BMPR1A: variants seen among roughly 807,000 people sequenced by gnomAD.
BMPR1A encodes the protein bone morphogenetic protein receptor type-1A.
In BMPR1A, 7 loss-of-function variants were observed where a neutral mutation model predicts 66.0. The ratio of observed to expected loss-of-function variants is 0.11; its 90% CI spans 0.06 to 0.20. The LOEUF is 0.20. BMPR1A is among the 10% of genes least tolerant of loss of function. BMPR1A has a pLI of 1.00. For missense variants in BMPR1A, 408 were observed against 669.1 expected, an observed-to-expected ratio of 0.61 and a Z score of 4.31; for synonymous variants, 200 against 229.7, an observed-to-expected ratio of 0.87 and a Z score of 1.17.
intron 1 of BMPR1A, among the ~76,000 whole-genome samples, chr10:86,818,262 C>T (rs1323769648): frequency 6.6e-6 from 1 of 152,142 alleles, no homozygotes. Context: ...CGTGATCTGC[C>T]CTCCTCGGCC....
At chr10:86,872,187 G>A (rs1842862474) in intron 2 of BMPR1A, among the ~76,000 whole-genome samples, 2 of 152,166 alleles carry the variant, frequency 1.3e-5, no homozygotes, top group African/African-American at 4.8e-5. Flanking sequence ...AAAATTTCTT[G>A]CAGATTGAAT....
At chr10:86,891,260 A>T (rs1360190719) in intron 4 of BMPR1A, among the ~76,000 whole-genome samples, 1 of 152,170 alleles carries the variant, frequency 6.6e-6, no homozygotes, top group East Asian at 1.9e-4. Flanking sequence ...TATGTCACCA[A>T]ATAATGTTTT....
chr10:86,862,570 C>T (rs1408662600), intron 2 of BMPR1A, among the ~76,000 whole-genome samples: 1 of 152,120 alleles, frequency 6.6e-6, no homozygotes, highest in Non-Finnish European at 1.5e-5. Context: ...AGCAGGAGGC[C>T]AGTTAGGAGG....
chr10:86,858,420 T>C lies in BMPR1A; in HGVS notation c.-152-17447T>C, dbSNP rs190743092. ...TTTTACATTTGGAATTGCAAAATGA[T>C]ATAGTGAAAGATGAAGACTGGAAGT... is the stretch of plus-strand genomic sequence containing the variant. On this transcript the variant is annotated intron_variant, in intron 2 of 12. Coordinates refer to ENST00000372037, the MANE Select transcript of BMPR1A (RefSeq NM_004329.3). Among the ~76,000 whole-genome samples, 28 of 152,230 alleles carry C rather than the reference T, an allele frequency of 1.8e-4. 1 individual carries two copies. The highest frequency in any genetic ancestry group is 6.7e-4 in the African/African-American group (28 of 41,536).
intron 3 of BMPR1A, among the ~76,000 whole-genome samples, chr10:86,879,324 A>C (rs1302861143): frequency 6.6e-6 from 1 of 152,192 alleles, no homozygotes; most frequent in Non-Finnish European, 1.5e-5. Context: ...TCCTCTCCCC[A>C]ACAGACTTCC....
At chr10:86,807,770 G>GT (rs932076701) in intron 1 of BMPR1A, among the ~76,000 whole-genome samples, 9 of 151,250 alleles carry the variant, frequency 6.0e-5, no homozygotes, top group East Asian at 2.0e-4. Flanking sequence ...TATAGTTGTG[G>GT]TTTTTTTTCC....
At chr10:86,831,234 A>G (rs908242155) in intron 1 of BMPR1A, among the ~76,000 whole-genome samples, 1 of 152,234 alleles carries the variant, frequency 6.6e-6, no homozygotes, top group Non-Finnish European at 1.5e-5. Context: ...GCACAGATGT[A>G]CGCATGCGAG....
intron 1 of BMPR1A, among the ~76,000 whole-genome samples, chr10:86,833,394 G>A (rs1017149776): frequency 2.6e-5 from 4 of 152,198 alleles, no homozygotes; most frequent in Admixed American, 2.6e-4. Context: ...CTACATGAAA[G>A]ATGAGAGCCT....
intron 7 of BMPR1A, among the ~76,000 whole-genome samples, chr10:86,901,808 T>C (rs1843313635): frequency 6.6e-6 from 1 of 152,114 alleles, no homozygotes. Context: ...ATTAAAATAC[T>C]TTTTTTATAC....
At chr10:86,889,842 T>TA (rs1366389610) in intron 3 of BMPR1A, 1 of 561,686 alleles carries the variant, frequency 1.8e-6, no homozygotes, top group Non-Finnish European at 3.1e-6. Flanking sequence ...AAAATTGTGA[T>TA]ATAGCTGTCT....
At chr10:86,820,193 C>T (rs1030831573) in intron 1 of BMPR1A, among the ~76,000 whole-genome samples, 7 of 152,116 alleles carry the variant, frequency 4.6e-5, no homozygotes, top group Non-Finnish European at 1.0e-4. Context: ...CAGGATTATG[C>T]CCCCATGCCT....
At chr10:86,775,927 T>C (rs1033018666) in intron 1 of BMPR1A, among the ~76,000 whole-genome samples, 1 of 152,198 alleles carries the variant, frequency 6.6e-6, no homozygotes, top group African/African-American at 2.4e-5. Flanking sequence ...TCCCTCCTTT[T>C]CGGCTGCTCA....
chr10:86,898,163 T>C (rs1174125088), intron 5 of BMPR1A, among the ~76,000 whole-genome samples: 1 of 152,082 alleles, frequency 6.6e-6, no homozygotes, highest in Non-Finnish European at 1.5e-5. Flanking sequence ...CAAGTGATCC[T>C]CATGCCTCAG....
In BMPR1A at chr10:86,847,677, C is replaced by T. The variant is rs143593798; in HGVS notation, c.-153+8698C>T. Among the ~76,000 whole-genome samples, 801 of 152,058 alleles carry T rather than the reference C, an allele frequency of 5.3e-3. 5 individuals carry two copies. In the Middle Eastern group the frequency reaches 0.068, roughly 13 times the overall value. ...CCCCATCTCTATTTAAAAATACACA[C>T]ACACGTGTGTATGTGTGTGTATAAA... On this transcript the variant is annotated intron_variant, in intron 2 of 12. Coordinates refer to ENST00000372037, the MANE Select transcript of BMPR1A (RefSeq NM_004329.3).
downstream of BMPR1A, chr10:86,928,133 G>GA (rs1843769854): frequency 6.1e-6 from 1 of 162,692 alleles, no homozygotes; most frequent in Non-Finnish European, 1.3e-5. Flanking sequence ...GTACACGCTT[G>GA]CCCTGTGGAG....
intron 2 of BMPR1A, among the ~76,000 whole-genome samples, chr10:86,867,462 C>T (rs565136951): frequency 2.8e-4 from 42 of 152,292 alleles, no homozygotes; most frequent in African/African-American, 9.6e-4. Flanking sequence ...GTCATTTCTG[C>T]GTGTTCTAGA....
chr10:86,808,136 G>A (rs1841918013), intron 1 of BMPR1A, among the ~76,000 whole-genome samples: 1 of 152,004 alleles, frequency 6.6e-6, no homozygotes, highest in Non-Finnish European at 1.5e-5. Flanking sequence ...GTGAGTTTTG[G>A]CATATTGTGT....
At chr10:86,825,074 G>A (rs1842174034) in intron 1 of BMPR1A, among the ~76,000 whole-genome samples, 1 of 145,246 alleles carries the variant, frequency 6.9e-6, no homozygotes, top group African/African-American at 2.6e-5. Flanking sequence ...ATTTAGAAAT[G>A]ACATTCTTTT....
intron 1 of BMPR1A, among the ~76,000 whole-genome samples, chr10:86,813,062 A>G (rs980930612): frequency 1.4e-4 from 22 of 152,184 alleles, no homozygotes; most frequent in African/African-American, 5.3e-4. Flanking sequence ...AATTGTAACA[A>G]TTTTAAAAAT....
Sources: gnomAD v4.1 joint callset for allele counts (sites outside exome capture counted in the v4.1 genomes callset) on GRCh38, gnomAD v4.1.1 for gene constraint, MANE v1.5 for transcripts, NCBI Gene and HGNC (gene_info 2026-07-23, HGNC 2026-07-21) for gene names.